The following CHRNA3 variants were observed in gnomAD, a reference collection of about 807,000 sequenced individuals.
The protein encoded by CHRNA3 is cholinergic receptor nicotinic alpha 3 subunit.
In CHRNA3, 34 loss-of-function variants were observed where a neutral mutation model predicts 41.9. The observed-to-expected ratio is 0.81, with a 90% CI of 0.62 to 1.08. The LOEUF (loss-of-function observed/expected upper bound fraction) is 1.08, where lower values mean the gene tolerates loss of function less well. Ranked by LOEUF, CHRNA3 falls within the 50% of genes least tolerant of loss-of-function variation. The probability of loss-of-function intolerance (pLI) is 0.00; values close to 1 mark genes in which losing one functional copy is unlikely to be tolerated. For missense variants in CHRNA3, 542 were observed against 638.3 expected, an observed-to-expected ratio of 0.85 and a Z score of 1.63; for synonymous variants, 281 against 265.2, an observed-to-expected ratio of 1.06 and a Z score of -0.58.
rs1285532563 is a variant in CHRNA3 at position 78,620,766 on chromosome 15, A to C, written c.29T>G (p.Leu10Arg). 2.0e-6 allele frequency: 3 copies of C among 1,497,038 alleles called. No homozygotes were observed. The highest frequency in any genetic ancestry group is 2.7e-6 in the Non-Finnish European group (3 of 1,130,038). The allele number at this position is 1,497,038 out of a possible 1,614,324, so 92.7% of individuals were successfully genotyped here. The change falls in exon 1 of 6, where the codon CTG becomes CGG. Residue 10 changes from leucine to arginine, a missense_variant. Leu to Arg is a moderately radical substitution (Grantham distance 102). Transcript: ENST00000326828. ...CAGCAGCCGCGGCGGCGACAGCGCC[A>C]GGGGCAGCGAGAGCGGGCCAGAGCC... The part of the protein sequence containing the change: MGSGPLSLP[L>R]ALSPPRLLLL...
downstream of CHRNA3, chr15:78,593,349 G>GCT: frequency 1.6e-6 from 2 of 1,275,320 alleles, no homozygotes; most frequent in African/African-American, 1.5e-5. Flanking sequence ...GTTAAATTTA[G>GCT]TGCAAGCTTT....
At chr15:78,594,174 C>A (rs2053060593), downstream of CHRNA3, 1 of 152,220 alleles carries the variant, frequency 6.6e-6, no homozygotes, top group African/African-American at 2.4e-5. Context: ...ATTGTGTTAA[C>A]TATTTCTGTA....
intron 4 of CHRNA3, among the ~76,000 whole-genome samples, chr15:78,609,905 C>CA (rs1212780811): frequency 6.6e-6 from 1 of 151,664 alleles, no homozygotes; most frequent in Non-Finnish European, 1.5e-5. Flanking sequence ...AAATGGAAAA[C>CA]AAAAAAAGGC....
chr15:78,620,655 A>G, intron 1 of CHRNA3, 58 bp downstream of exon 1: 2 of 1,487,718 alleles, frequency 1.3e-6, no homozygotes, highest in East Asian at 2.9e-5. Flanking sequence ...GCCCCTCCGG[A>G]CCCCGCGCCC....
At chr15:78,594,034 A>C (rs1294341125), downstream of CHRNA3, 1 of 152,062 alleles carries the variant, frequency 6.6e-6, no homozygotes, top group Non-Finnish European at 1.5e-5. Flanking sequence ...AGCAAAACTC[A>C]GTCTCAAATA....
chr15:78,609,919 G>A (rs2053356750), intron 4 of CHRNA3, among the ~76,000 whole-genome samples: 1 of 152,090 alleles, frequency 6.6e-6, no homozygotes, highest in Non-Finnish European at 1.5e-5. Context: ...AAAAGGCAGG[G>A]GTTGCAATCC....
chr15:78,608,037 G>T (rs1193484158), intron 4 of CHRNA3, among the ~76,000 whole-genome samples: 2 of 152,218 alleles, frequency 1.3e-5, no homozygotes, highest in Non-Finnish European at 2.9e-5. Context: ...GCCTGCCATT[G>T]CCCAGCCTTG....
At chr15:78,595,256 A>C (rs1204498738), downstream of CHRNA3, 9 of 980,414 alleles carry the variant, frequency 9.2e-6, no homozygotes, top group Non-Finnish European at 9.7e-6. Context: ...TTTATATATA[A>C]ATTTTTATCG....
At chr15:78,608,899 A>T (rs1297858483) in intron 4 of CHRNA3, among the ~76,000 whole-genome samples, 1 of 152,248 alleles carries the variant, frequency 6.6e-6, no homozygotes, top group Non-Finnish European at 1.5e-5. Flanking sequence ...GAGCTGATGG[A>T]GCTGAAAGCC....
intron 4 of CHRNA3, among the ~76,000 whole-genome samples, chr15:78,607,233 AAAG>A (rs1388333403): frequency 9.9e-5 from 15 of 152,030 alleles, no homozygotes; most frequent in Non-Finnish European, 1.9e-4. Flanking sequence ...AAAAAAAAAA[AAAG>A]ATTTTCATGG....
At chr15:78,616,690 G>T (rs990545527) in intron 4 of CHRNA3, among the ~76,000 whole-genome samples, 1 of 151,938 alleles carries the variant, frequency 6.6e-6, no homozygotes, top group South Asian at 2.1e-4. Flanking sequence ...CTGCCTCCCC[G>T]GGCCCTCCTC....
chr15:78,598,072 CT>C (rs1196530667), intron 5 of CHRNA3, among the ~76,000 whole-genome samples: 7 of 152,146 alleles, frequency 4.6e-5, no homozygotes, highest in Admixed American at 2.0e-4. Context: ...TCCTAAGGCT[CT>C]AGGAGGCAGA....
intron 4 of CHRNA3, chr15:78,607,457 T>A (rs753702744): frequency 6.9e-6 from 1 of 144,488 alleles, no homozygotes; most frequent in African/African-American, 2.9e-5. Flanking sequence ...TCCCAGCACT[T>A]TGGGAGGCCG....
At chr15:78,609,336 G>A (rs910883610) in intron 4 of CHRNA3, among the ~76,000 whole-genome samples, 19 of 152,132 alleles carry the variant, frequency 1.2e-4, no homozygotes, top group Non-Finnish European at 2.5e-4. Context: ...AAGAAAGGTC[G>A]GGTTACCCAC....
At position 78,618,897 on chromosome 15, in the gene CHRNA3, G is replaced by C. The variant is rs2053507481; in HGVS notation, c.101C>G (p.Ala34Gly). Reference protein sequence around the residue: ...SLLPVARASEAEHRLFERLFE... With the variant: ...SLLPVARASEGEHRLFERLFE... ...CAGCCGCTCAAATAGACGGTGCTCAGCCTCTGAGGCCCTGGCCACTGTGGG... is the reference window on the plus strand; with the variant it reads ...CAGCCGCTCAAATAGACGGTGCTCACCCTCTGAGGCCCTGGCCACTGTGGG... The change falls in exon 2 of 6, where the codon GCT (alanine) becomes GGT (glycine). Residue 34 changes from alanine to glycine, a missense_variant. Physicochemically the swap from Ala to Gly is moderately conservative, Grantham distance 60. Coordinates refer to ENST00000326828, the MANE Select transcript of CHRNA3 (RefSeq NM_000743.5). 1.9e-6 allele frequency: 3 copies of C among 1,613,504 alleles called. No homozygotes were observed. Among genetic ancestry groups the C allele is most frequent in the Non-Finnish European group, 2.5e-6 (3 of 1,179,954 alleles).
chr15:78,610,066 G>A (rs891177769), intron 4 of CHRNA3, among the ~76,000 whole-genome samples: 7 of 152,190 alleles, frequency 4.6e-5, no homozygotes, highest in Non-Finnish European at 1.0e-4. Flanking sequence ...GGAGCACCCA[G>A]ATTCATAAAG....
At chr15:78,599,081 CCACCTGCCTCGGCCT>C (rs2053156439) in intron 5 of CHRNA3, among the ~76,000 whole-genome samples, 1 of 152,074 alleles carries the variant, frequency 6.6e-6, no homozygotes, top group Admixed American at 6.6e-5. Context: ...CTCAGGTGAT[CCACCTGCCTCGGCCT>C]CCCAAAGTGT....
At chr15:78,601,185 C>G in intron 5 of CHRNA3, 68 bp downstream of exon 5, 2 of 1,515,060 alleles carry the variant, frequency 1.3e-6, no homozygotes, top group Non-Finnish European at 1.8e-6. Flanking sequence ...TATGCCTTGC[C>G]CCACGAGGAA....
chr15:78,603,900 G>A (rs536404085), intron 4 of CHRNA3, among the ~76,000 whole-genome samples: 46 of 152,258 alleles, frequency 3.0e-4, no homozygotes, highest in Middle Eastern at 6.8e-3. Flanking sequence ...AGGTAGGAGG[G>A]TGGGGTGGAG....
Sources: allele counts gnomAD v4.1 joint callset (sites outside exome capture counted in the v4.1 genomes callset), GRCh38; gene constraint gnomAD v4.1.1; transcripts MANE v1.5; gene names NCBI Gene and HGNC (gene_info 2026-07-23, HGNC 2026-07-21).